CTNNA3: variants seen among roughly 807,000 people sequenced by gnomAD.
CTNNA3 encodes the protein catenin alpha-3.
Under a neutral mutation model 95.7 loss-of-function variants are expected in CTNNA3, and 76 were observed. That is an observed-to-expected ratio of 0.79 (90% CI 0.66 to 0.96). The LOEUF is 0.96. CTNNA3 is among the 40% of genes least tolerant of loss of function. The pLI is 0.00. For missense variants in CTNNA3, 1,191 were observed against 1,089.8 expected (o/e 1.09, Z -1.31); for synonymous variants, 431 against 374.4 (o/e 1.15, Z -1.74).
chr10:66,098,831 T>C (rs2081502012), intron 14 of CTNNA3: 1 of 152,152 alleles, frequency 6.6e-6, no homozygotes, highest in African/African-American at 2.4e-5. Flanking sequence ...AGTATTCATG[T>C]TTAACAATTA....
intron 10 of CTNNA3, among the ~76,000 whole-genome samples, chr10:66,607,472 CAAAAAAAAAAA>C (rs574854850): frequency 8.8e-5 from 4 of 45,274 alleles, no homozygotes; most frequent in Admixed American, 3.3e-4. Context: ...CAGAGACAAC[CAAAAAAAAAAA>C]AAAAAAAAAA....
chr10:67,360,335 G>T lies in CTNNA3; in HGVS notation c.580-140465C>A, dbSNP rs1052869653. On this transcript the variant is annotated intron_variant, in intron 5 of 17. Coordinates refer to ENST00000433211, the MANE Select transcript of CTNNA3 (RefSeq NM_013266.4). ...CTACAAGCTAATAATATCATGACTG[G>T]ATCAAAACCTCACATATCAATATTA... Among the ~76,000 whole-genome samples, 19 of 150,078 alleles carry T rather than the reference G, an allele frequency of 1.3e-4. 1 individual carries two copies. Among genetic ancestry groups the T allele is most frequent in the Middle Eastern group, 3.5e-3 (1 of 284 alleles).
At chr10:66,460,762 T>C (rs986666516) in intron 11 of CTNNA3, among the ~76,000 whole-genome samples, 3 of 152,282 alleles carry the variant, frequency 2.0e-5, no homozygotes, top group Non-Finnish European at 4.4e-5. Flanking sequence ...TCCTGAGTGG[T>C]GCAAAAACTA....
chr10:67,444,568 G>C (rs749167717), intron 5 of CTNNA3, among the ~76,000 whole-genome samples: 2 of 151,926 alleles, frequency 1.3e-5, no homozygotes, highest in Non-Finnish European at 2.9e-5. Context: ...AAGTGAAATT[G>C]AAATGAAGAA....
intron 13 of CTNNA3, among the ~76,000 whole-genome samples, chr10:66,104,354 G>A (rs2081793998): frequency 6.6e-6 from 1 of 152,212 alleles, no homozygotes; most frequent in Non-Finnish European, 1.5e-5. Flanking sequence ...GCAGGGACAT[G>A]TCTTCCTTGT....
chr10:66,659,181 A>AACACACACACAC (rs10565151), intron 9 of CTNNA3, among the ~76,000 whole-genome samples: 9 of 145,574 alleles, frequency 6.2e-5, no homozygotes, highest in East Asian at 6.0e-4. Flanking sequence ...TAATTAAGAA[A>AACACACACACAC]ACACACACAC....
intron 10 of CTNNA3, among the ~76,000 whole-genome samples, chr10:66,601,873 G>C (rs1195238482): frequency 1.3e-5 from 2 of 151,796 alleles, no homozygotes; most frequent in Admixed American, 6.6e-5. Context: ...AAGAAATCTG[G>C]AGTGAACTGC....
intron 6 of CTNNA3, among the ~76,000 whole-genome samples, chr10:67,186,710 T>G (rs1048065519): frequency 1.3e-5 from 2 of 152,188 alleles, no homozygotes; most frequent in African/African-American, 4.8e-5. Context: ...ATGGCATTAA[T>G]CCCATGAAAG....
At chr10:66,817,253 A>T (rs1328673506) in intron 7 of CTNNA3, among the ~76,000 whole-genome samples, 1 of 151,936 alleles carries the variant, frequency 6.6e-6, no homozygotes, top group Non-Finnish European at 1.5e-5. Context: ...CAAATTTTTT[A>T]AAAAACAAGT....
At chr10:67,668,888 G>T (rs774386753) in intron 1 of CTNNA3, among the ~76,000 whole-genome samples, 9 of 146,444 alleles carry the variant, frequency 6.1e-5, no homozygotes, top group Non-Finnish European at 1.3e-4. Context: ...ACCCGGGCTG[G>T]AGTGCAATGG....
At chr10:66,445,010 C>T (rs1054572621) in intron 11 of CTNNA3, among the ~76,000 whole-genome samples, 2 of 151,946 alleles carry the variant, frequency 1.3e-5, no homozygotes, top group East Asian at 1.9e-4. Flanking sequence ...CAAAAAAAGG[C>T]AGGGGTCGCA....
chr10:67,242,427 G>A (rs1865750795), intron 5 of CTNNA3, among the ~76,000 whole-genome samples: 1 of 152,202 alleles, frequency 6.6e-6, no homozygotes, highest in South Asian at 2.1e-4. Context: ...CAAATAGCTT[G>A]AAATGCCTGC....
intron 7 of CTNNA3, among the ~76,000 whole-genome samples, chr10:66,823,209 CTG>C (rs1454545918): frequency 1.3e-5 from 2 of 152,196 alleles, no homozygotes; most frequent in South Asian, 4.1e-4. Flanking sequence ...AGCAGTGACT[CTG>C]AGAGAATGCC....
intron 7 of CTNNA3, among the ~76,000 whole-genome samples, chr10:66,819,993 G>C (rs1046774654): frequency 1.3e-5 from 2 of 150,372 alleles, no homozygotes; most frequent in Non-Finnish European, 3.0e-5. Context: ...ATGTACCAAA[G>C]AGAACTGAAA....
At chr10:67,136,925 C>T (rs1860332185) in intron 7 of CTNNA3, among the ~76,000 whole-genome samples, 1 of 152,158 alleles carries the variant, frequency 6.6e-6, no homozygotes, top group African/African-American at 2.4e-5. Flanking sequence ...AGTATTAGTT[C>T]ATTTTTAGTT....
At chr10:66,414,418 C>G (rs72806797) in intron 11 of CTNNA3, among the ~76,000 whole-genome samples, 7,510 of 152,118 alleles carry the variant, frequency 0.049, 263 homozygotes, top group East Asian at 0.11. Flanking sequence ...GAGAGACTCC[C>G]CAATAGAGGG....
intron 7 of CTNNA3, among the ~76,000 whole-genome samples, chr10:67,101,418 T>C (rs1858332963): frequency 1.3e-5 from 2 of 150,126 alleles, no homozygotes; most frequent in Admixed American, 1.3e-4. Flanking sequence ...CATGAAATTT[T>C]TTTTACTTGT....
chr10:66,971,201 GCA>G (rs1351118599), intron 7 of CTNNA3, among the ~76,000 whole-genome samples: 1 of 152,114 alleles, frequency 6.6e-6, no homozygotes, highest in African/African-American at 2.4e-5. Flanking sequence ...ACCGAGGCAG[GCA>G]GATCACAAGG....
intron 7 of CTNNA3, among the ~76,000 whole-genome samples, chr10:66,853,434 T>TA (rs1250748311): frequency 6.6e-6 from 1 of 152,150 alleles, no homozygotes; most frequent in East Asian, 1.9e-4. Flanking sequence ...AAGTTATATA[T>TA]ATTCCCAGAA....
Sources: allele counts gnomAD v4.1 joint callset (sites outside exome capture counted in the v4.1 genomes callset), GRCh38; gene constraint gnomAD v4.1.1; transcripts MANE v1.5; gene names NCBI Gene and HGNC (gene_info 2026-07-23, HGNC 2026-07-21).